Variants in RTN4 observed in about 807,000 individuals in gnomAD.
RTN4 encodes the protein reticulon 4.
Under a neutral mutation model 90.4 loss-of-function variants are expected in RTN4, and 32 were observed. The ratio of observed to expected loss-of-function variants is 0.35; its 90% CI spans 0.27 to 0.48. The LOEUF is 0.48. Among genes scored for constraint, RTN4 ranks in the 20% least tolerant of loss-of-function variants. RTN4 has a pLI of 0.99. For missense variants in RTN4, 1,706 were observed against 1,430.2 expected (o/e 1.19, Z -3.11); for synonymous variants, 629 against 552.5 (o/e 1.14, Z -1.94).
chr2:54,988,869 G>C (rs566509337), intron 3 of RTN4, among the ~76,000 whole-genome samples: 2 of 152,274 alleles, frequency 1.3e-5, no homozygotes, highest in South Asian at 2.1e-4. Flanking sequence ...TCTCAAAATC[G>C]GGTTATGCTC....
intron 1 of RTN4, among the ~76,000 whole-genome samples, chr2:55,112,303 C>T (rs1192531221): frequency 6.6e-6 from 1 of 152,208 alleles, no homozygotes; most frequent in African/African-American, 2.4e-5. Context: ...CGGACAGCAA[C>T]CCCGTAAAAT....
chr2:55,069,083 T>C (rs1457874751), intron 2 of RTN4, among the ~76,000 whole-genome samples: 1 of 152,198 alleles, frequency 6.6e-6, no homozygotes, highest in African/African-American at 2.4e-5. Context: ...AATATTATTA[T>C]AAAAAGAGTT....
At position 54,974,780 on chromosome 2, in the gene RTN4, A is replaced by G. The variant is rs200645427; in HGVS notation, c.3361-16T>C. The G allele has an allele frequency of 4.4e-6, 7 of 1,605,484 alleles. No individual in the cohort carries two copies. The highest frequency in any genetic ancestry group is 6.0e-6 in the Non-Finnish European group (7 of 1,173,234). On this transcript the variant is annotated splice_polypyrimidine_tract_variant and intron_variant, in intron 5 of 8. Transcript: ENST00000337526. ...ACACTGCAAACTATAAGAAAATAAC[A>G]TTAGCCCATTATAAACAAAATTCAA... is the stretch of plus-strand genomic sequence containing the variant.
In RTN4 at chr2:55,006,434, C is replaced by T. The variant is rs1013999368; in HGVS notation, c.3013+18652G>A. On this transcript the variant is annotated intron_variant, in intron 3 of 8. Coordinates refer to ENST00000337526, the MANE Select transcript of RTN4 (RefSeq NM_020532.5). ...ACAGCAAGACCCCTGCTACTCTCTA[C>T]CAAAATGTCAGTATGAGCTTTATTC... 5.3e-5 allele frequency among the ~76,000 whole-genome samples: 8 copies of T among 152,088 alleles called. No homozygotes were observed. The East Asian group carries it at 1.4e-3, about 26-fold the overall frequency.
chr2:55,064,610 C>G (rs562496087), intron 2 of RTN4, among the ~76,000 whole-genome samples: 50 of 152,258 alleles, frequency 3.3e-4, no homozygotes, highest in African/African-American at 1.2e-3. Context: ...CTTGGCCTCC[C>G]AAAGTGCTGG....
chr2:55,118,736 A>G, the RTN4 span, among the ~76,000 whole-genome samples: 1 of 152,194 alleles, frequency 6.6e-6, no homozygotes, highest in Admixed American at 6.5e-5. Context: ...AAAAGGACAG[A>G]AAGGCCCTAG....
intron 2 of RTN4, among the ~76,000 whole-genome samples, chr2:55,075,719 CA>C (rs767412985): frequency 6.6e-6 from 1 of 152,116 alleles, no homozygotes; most frequent in Non-Finnish European, 1.5e-5. Flanking sequence ...ACCAAAACAG[CA>C]TAGTACTGGT....
intron 1 of RTN4, among the ~76,000 whole-genome samples, chr2:55,083,457 C>G (rs1415142000): frequency 1.3e-5 from 2 of 152,112 alleles, no homozygotes; most frequent in Non-Finnish European, 2.9e-5. Context: ...GATTGCGCCA[C>G]TGCACTTCCG....
intron 3 of RTN4, among the ~76,000 whole-genome samples, chr2:55,008,315 TCTG>T (rs1215491394): frequency 6.6e-6 from 1 of 152,060 alleles, no homozygotes; most frequent in Non-Finnish European, 1.5e-5. Flanking sequence ...AGGCTCCTTC[TCTG>T]CTGTCAAACT....
intron 1 of RTN4, among the ~76,000 whole-genome samples, chr2:55,036,642 G>GT (rs1264414872): frequency 1.4e-5 from 2 of 142,988 alleles, no homozygotes; most frequent in Admixed American, 6.9e-5. Context: ...AATTTAAAAA[G>GT]TTTTTTTAAA....
At chr2:54,993,460 T>C (rs777016838) in intron 3 of RTN4, among the ~76,000 whole-genome samples, 7 of 152,168 alleles carry the variant, frequency 4.6e-5, no homozygotes, top group Non-Finnish European at 8.8e-5. Context: ...TTGAATCAAG[T>C]CAATTTTCCC....
intron 1 of RTN4, among the ~76,000 whole-genome samples, chr2:55,033,231 G>A (rs1450300296): frequency 6.6e-6 from 1 of 152,012 alleles, no homozygotes; most frequent in Non-Finnish European, 1.5e-5. Context: ...AAAACAGTCA[G>A]AGGAAAAAAG....
At chr2:55,004,389 A>ATGGTCCTGTGTGGGCC (rs1363414675) in intron 3 of RTN4, among the ~76,000 whole-genome samples, 1 of 152,194 alleles carries the variant, frequency 6.6e-6, no homozygotes, top group African/African-American at 2.4e-5. Context: ...GACCTGTGGC[A>ATGGTCCTGTGTGGGCC]TGGTCCTGTG....
At chr2:55,023,752 C>T (rs769393474) in intron 3 of RTN4, among the ~76,000 whole-genome samples, 1 of 152,144 alleles carries the variant, frequency 6.6e-6, no homozygotes, top group Non-Finnish European at 1.5e-5. Context: ...TAACCACTTA[C>T]TCAAGTCTCA....
At chr2:55,074,538 A>G (rs1033002401) in intron 2 of RTN4, among the ~76,000 whole-genome samples, 1 of 150,438 alleles carries the variant, frequency 6.6e-6, no homozygotes, top group African/African-American at 2.5e-5. Flanking sequence ...AAAAAAAAAG[A>G]AAATATGGAG....
intron 1 of RTN4, among the ~76,000 whole-genome samples, chr2:55,099,360 A>G (rs72914518): frequency 0.018 from 2,675 of 152,188 alleles, 97 homozygotes; most frequent in African/African-American, 0.062. Context: ...ACTGATGTCA[A>G]AACTGTGACA....
intron 1 of RTN4, among the ~76,000 whole-genome samples, chr2:55,111,036 G>C (rs898589876): frequency 5.9e-5 from 9 of 152,056 alleles, no homozygotes; most frequent in African/African-American, 2.2e-4. Flanking sequence ...GTAAGACTGT[G>C]TCTCAAAATA....
chr2:55,044,033 G>A (rs894175347), intron 1 of RTN4, among the ~76,000 whole-genome samples: 8 of 150,846 alleles, frequency 5.3e-5, no homozygotes, highest in South Asian at 2.1e-4. Flanking sequence ...CTATCTGCAC[G>A]AAAAACACAA....
At chr2:55,113,495 T>C (rs1437805863), upstream of RTN4, among the ~76,000 whole-genome samples, 1 of 152,158 alleles carries the variant, frequency 6.6e-6, no homozygotes, top group African/African-American at 2.4e-5. Flanking sequence ...CTCTCTGAAG[T>C]GGGTAAAAGA....
Sources: gnomAD v4.1 joint callset for allele counts (sites outside exome capture counted in the v4.1 genomes callset) on GRCh38, gnomAD v4.1.1 for gene constraint, MANE v1.5 for transcripts, NCBI Gene and HGNC (gene_info 2026-07-23, HGNC 2026-07-21) for gene names.